CSMD1: variants seen among roughly 807,000 people sequenced by gnomAD.
The protein encoded by CSMD1 is CUB and sushi domain-containing protein 1.
In CSMD1, 213 loss-of-function variants were observed where a neutral mutation model predicts 417.5. The observed-to-expected ratio is 0.51, with a 90% confidence interval of 0.46 to 0.57. CSMD1 has a LOEUF of 0.57. Ranked by LOEUF, CSMD1 falls within the 20% of genes least tolerant of loss-of-function variation. The pLI, the probability that CSMD1 is intolerant of heterozygous loss-of-function variation, is 0.00. For synonymous variants in CSMD1, 2,862 were observed against 1,736.8 expected, an observed-to-expected ratio of 1.65 and a Z score of -16.11; for missense variants, 6,923 against 4,529.7, an observed-to-expected ratio of 1.53 and a Z score of -15.17.
At chr8:4,220,635 G>C (rs924838755) in intron 3 of CSMD1, among the ~76,000 whole-genome samples, 5 of 152,134 alleles carry the variant, frequency 3.3e-5, no homozygotes, top group African/African-American at 4.8e-5. Context: ...ATATTTTGGA[G>C]GTGGAATCAA....
chr8:4,653,637 C>T (rs146734571), intron 1 of CSMD1, among the ~76,000 whole-genome samples: 49 of 152,182 alleles, frequency 3.2e-4, no homozygotes, highest in African/African-American at 1.1e-3. Context: ...TCAACTGCAG[C>T]GGGTTCCTGA....
At chr8:3,839,582 T>C (rs1330677260) in intron 5 of CSMD1, among the ~76,000 whole-genome samples, 1 of 134,254 alleles carries the variant, frequency 7.4e-6, no homozygotes, top group Admixed American at 8.9e-5. Context: ...TAATTTATTA[T>C]ATATATTAAT....
intron 2 of CSMD1, among the ~76,000 whole-genome samples, chr8:4,629,531 C>A (rs149169024): frequency 1.3e-5 from 2 of 152,126 alleles, no homozygotes; most frequent in Non-Finnish European, 2.9e-5. Context: ...AATTCTTTGT[C>A]TTTCATACTT....
rs1803049374 is a variant in CSMD1, at chr8:4,380,729, G to A, written c.415+39224C>T. ...GATTGTGGATGTTGTATCTATGGGA[G>A]CACTTCATACTGTCCTCACGACTTC... On this transcript the variant is annotated intron_variant, in intron 3 of 69. Transcript: ENST00000635120. 2.0e-5 allele frequency among the ~76,000 whole-genome samples: 3 copies of A among 152,170 alleles called. No homozygotes were observed. The South Asian group carries it at 6.2e-4, about 32-fold the overall frequency.
rs1811683917 is a variant in CSMD1, at chr8:3,396,141, A to G, written c.2593+53T>C. 4 of 1,449,976 alleles carry G rather than the reference A, an allele frequency of 2.8e-6. No homozygotes were observed. In the African/African-American group the frequency reaches 5.6e-5, roughly 20 times the overall value. The allele number at this position is 1,449,976 out of a possible 1,614,324, so 89.8% of individuals were successfully genotyped here. On this transcript the variant is annotated intron_variant, in intron 17 of 69. Coordinates refer to ENST00000635120, the MANE Select transcript of CSMD1 (RefSeq NM_033225.6). The stretch of plus-strand genomic sequence containing the variant: ...GCTGGAAATAAGAACCCAGATCTTT[A>G]GTTCTCCCATGCATGCTGCCCTGCC...
chr8:4,679,273 G>C (rs1438148011), intron 1 of CSMD1, among the ~76,000 whole-genome samples: 2 of 152,148 alleles, frequency 1.3e-5, no homozygotes, highest in Non-Finnish European at 2.9e-5. Flanking sequence ...CACCCGAGAA[G>C]GTAGCTTGAC....
chr8:4,117,345 C>A (rs920245477), intron 3 of CSMD1, among the ~76,000 whole-genome samples: 1 of 151,112 alleles, frequency 6.6e-6, no homozygotes, highest in Non-Finnish European at 1.5e-5. Flanking sequence ...CCAACACTGT[C>A]ATCGCCTCAT....
chr8:3,260,526 C>A (rs951744310), intron 26 of CSMD1, among the ~76,000 whole-genome samples: 22 of 152,090 alleles, frequency 1.4e-4, no homozygotes, highest in Non-Finnish European at 3.1e-4. Flanking sequence ...TTCCTCATTT[C>A]ATTTCTGAAA....
At chr8:3,022,237 T>C (rs1809489450) in intron 51 of CSMD1, among the ~76,000 whole-genome samples, 1 of 145,350 alleles carries the variant, frequency 6.9e-6, no homozygotes, top group Non-Finnish European at 1.5e-5. Context: ...ACACCCGCAA[T>C]CCCACAGCAT....
chr8:4,054,770 C>T (rs1234821669), intron 3 of CSMD1, among the ~76,000 whole-genome samples: 3 of 152,104 alleles, frequency 2.0e-5, no homozygotes, highest in African/African-American at 7.2e-5. Context: ...TTGATGATGA[C>T]ATCTACCTTC....
intron 3 of CSMD1, among the ~76,000 whole-genome samples, chr8:4,081,448 C>G (rs913410648): frequency 1.3e-5 from 2 of 152,126 alleles, no homozygotes; most frequent in African/African-American, 2.4e-5. Flanking sequence ...CTTCTGGGGA[C>G]TCCAGCCACG....
intron 23 of CSMD1, among the ~76,000 whole-genome samples, chr8:3,319,388 T>A (rs1219370695): frequency 6.6e-6 from 1 of 152,146 alleles, no homozygotes; most frequent in Non-Finnish European, 1.5e-5. Context: ...TTTATGTCAG[T>A]CAATATAAGA....
intron 2 of CSMD1, among the ~76,000 whole-genome samples, chr8:4,485,297 C>G (rs1288030268): frequency 6.6e-6 from 1 of 152,162 alleles, no homozygotes; most frequent in African/African-American, 2.4e-5. Flanking sequence ...GAACATTTAT[C>G]CCCAGTTGAA....
At chr8:4,983,870 G>C (rs562374497) in intron 1 of CSMD1, among the ~76,000 whole-genome samples, 1 of 152,072 alleles carries the variant, frequency 6.6e-6, no homozygotes, top group Non-Finnish European at 1.5e-5. Context: ...TCAAAGATGG[G>C]TGGGCTTGAG....
intron 6 of CSMD1, among the ~76,000 whole-genome samples, chr8:3,749,027 T>C (rs1399228444): frequency 6.6e-6 from 1 of 152,170 alleles, no homozygotes; most frequent in Non-Finnish European, 1.5e-5. Context: ...AACAGCCGGG[T>C]AAAGGTGTGT....
rs189406580 is a variant in CSMD1 at position 2,942,800 on chromosome 8, T to G, written c.10403-196A>C. 1.2e-4 allele frequency among the ~76,000 whole-genome samples: 19 copies of G among 152,302 alleles called. No homozygotes were observed. In the East Asian group the frequency reaches 3.5e-3, roughly 28 times the overall value. On this transcript the variant is annotated intron_variant, in intron 68 of 69. Coordinates refer to ENST00000635120, the MANE Select transcript of CSMD1 (RefSeq NM_033225.6). ...CCGGGACAAAAAACTGACTATTTCC[T>G]ACTAATAATGGAGAATACTATGAAA...
intron 3 of CSMD1, among the ~76,000 whole-genome samples, chr8:4,298,566 A>C (rs1047997167): frequency 7.9e-5 from 12 of 152,178 alleles, no homozygotes; most frequent in African/African-American, 2.9e-4. Context: ...GTACCCAATG[A>C]ATTTATGTAA....
At chr8:3,987,800 T>C (rs75207848) in intron 5 of CSMD1, among the ~76,000 whole-genome samples, 10 of 152,280 alleles carry the variant, frequency 6.6e-5, no homozygotes, top group African/African-American at 1.7e-4. Context: ...TCAAGAAGCA[T>C]AGCCTTATCC....
intron 2 of CSMD1, among the ~76,000 whole-genome samples, chr8:4,510,861 C>A (rs572403979): frequency 6.9e-6 from 1 of 145,498 alleles, no homozygotes; most frequent in African/African-American, 2.5e-5. Flanking sequence ...CCTCCCTTCC[C>A]TTCCCTTCCT....
Sources: gnomAD v4.1 joint callset for allele counts (sites outside exome capture counted in the v4.1 genomes callset) on GRCh38, gnomAD v4.1.1 for gene constraint, MANE v1.5 for transcripts, NCBI Gene and HGNC (gene_info 2026-07-23, HGNC 2026-07-21) for gene names.